Variants in DLG2 observed in about 807,000 individuals in gnomAD.
The protein encoded by DLG2 is discs large MAGUK scaffold protein 2.
A neutral mutation model predicts 132.5 loss-of-function variants in DLG2; 45 were observed. That is an observed-to-expected ratio of 0.34 (90% confidence interval 0.27 to 0.44). The LOEUF (loss-of-function observed/expected upper bound fraction) is 0.44, where lower values mean the gene tolerates loss of function less well. Among genes scored for constraint, DLG2 ranks in the 20% least tolerant of loss-of-function variants. The pLI is 1.00. For missense variants in DLG2, 1,045 were observed against 1,196.9 expected (o/e 0.87, Z 1.87); for synonymous variants, 424 against 419.6 (o/e 1.01, Z -0.13).
At chr11:85,010,875 TAA>T (rs2059096701) in intron 6 of DLG2, among the ~76,000 whole-genome samples, 1 of 152,128 alleles carries the variant, frequency 6.6e-6, no homozygotes, top group African/African-American at 2.4e-5. Context: ...ATATTGAGAA[TAA>T]GAGACATTTT....
chr11:84,586,632 A>G (rs1485054314), intron 6 of DLG2, among the ~76,000 whole-genome samples: 1 of 151,970 alleles, frequency 6.6e-6, no homozygotes, highest in Non-Finnish European at 1.5e-5. Flanking sequence ...TATATTTGAA[A>G]CTATTTTTCT....
intron 2 of DLG2, among the ~76,000 whole-genome samples, chr11:85,612,819 T>C (rs1198966663): frequency 6.6e-6 from 1 of 152,154 alleles, no homozygotes; most frequent in Non-Finnish European, 1.5e-5. Flanking sequence ...TGTACTTCAT[T>C]ATCCTACTAC....
intron 18 of DLG2, among the ~76,000 whole-genome samples, chr11:83,737,879 A>G (rs2092116159): frequency 6.6e-6 from 1 of 151,968 alleles, no homozygotes; most frequent in Non-Finnish European, 1.5e-5. Context: ...TGTACTTGCA[A>G]TTTTCCTGTC....
chr11:84,621,666 C>A (rs1024842280), intron 6 of DLG2, among the ~76,000 whole-genome samples: 1 of 152,132 alleles, frequency 6.6e-6, no homozygotes, highest in Non-Finnish European at 1.5e-5. Context: ...GGGCTGCTGG[C>A]TGACTCACTA....
intron 3 of DLG2, among the ~76,000 whole-genome samples, chr11:85,395,463 C>G (rs879444606): frequency 3.3e-5 from 5 of 152,138 alleles, no homozygotes; most frequent in Admixed American, 6.5e-5. Context: ...TTGCCTCAAA[C>G]AGGAAGTGCA....
At chr11:85,564,448 C>T (rs1384177123) in intron 3 of DLG2, among the ~76,000 whole-genome samples, 3 of 151,914 alleles carry the variant, frequency 2.0e-5, no homozygotes, top group Non-Finnish European at 4.4e-5. Context: ...CCAAAGTTCA[C>T]TTTTTCCACA....
At chr11:83,967,455 C>G (rs2090458524) in intron 12 of DLG2, among the ~76,000 whole-genome samples, 3 of 152,038 alleles carry the variant, frequency 2.0e-5, no homozygotes, top group Admixed American at 1.3e-4. Context: ...TATCTCATGG[C>G]AGTTTAGATT....
At chr11:85,610,542 G>A (rs1356308816) in intron 2 of DLG2, among the ~76,000 whole-genome samples, 1 of 152,148 alleles carries the variant, frequency 6.6e-6, no homozygotes, top group Non-Finnish European at 1.5e-5. Flanking sequence ...CGGGTTTAGG[G>A]ATAGCCCTTA....
chr11:84,209,194 T>C (rs924545580), intron 8 of DLG2, among the ~76,000 whole-genome samples: 2 of 152,206 alleles, frequency 1.3e-5, no homozygotes, highest in African/African-American at 4.8e-5. Context: ...TCTGTGATAT[T>C]CTTTTTAAAC....
chr11:85,324,766 G>A (rs950529791), intron 3 of DLG2, among the ~76,000 whole-genome samples: 1 of 152,144 alleles, frequency 6.6e-6, no homozygotes, highest in African/African-American at 2.4e-5. Flanking sequence ...GGGGAGGGAG[G>A]AGCCAAGATG....
chr11:84,274,630 C>G (rs1282972203), intron 7 of DLG2, among the ~76,000 whole-genome samples: 1 of 152,194 alleles, frequency 6.6e-6, no homozygotes, highest in African/African-American at 2.4e-5. Flanking sequence ...AGGCTGACAC[C>G]AGGGAAGTTT....
At chr11:84,252,642 A>C (rs2097402405) in intron 7 of DLG2, among the ~76,000 whole-genome samples, 1 of 152,208 alleles carries the variant, frequency 6.6e-6, no homozygotes, top group South Asian at 2.1e-4. Flanking sequence ...AATCACTAGA[A>C]AATAAGAGAT....
At chr11:84,727,665 C>A (rs1789174) in intron 6 of DLG2, among the ~76,000 whole-genome samples, 30 of 152,158 alleles carry the variant, frequency 2.0e-4, no homozygotes, top group African/African-American at 7.2e-4. Flanking sequence ...GGAGATAGCA[C>A]TGAATCTATA....
intron 3 of DLG2, among the ~76,000 whole-genome samples, chr11:85,482,892 G>T (rs1033802612): frequency 6.6e-6 from 1 of 152,072 alleles, no homozygotes; most frequent in East Asian, 1.9e-4. Flanking sequence ...TCTGACCCAG[G>T]TTCCATGATA....
chr11:84,871,741 T>G (rs2085490873), intron 6 of DLG2, among the ~76,000 whole-genome samples: 1 of 152,160 alleles, frequency 6.6e-6, no homozygotes, highest in South Asian at 2.1e-4. Flanking sequence ...ATTTATTTAA[T>G]GAGACAGAGT....
At chr11:84,852,456 A>G (rs1346677660) in intron 6 of DLG2, among the ~76,000 whole-genome samples, 1 of 151,976 alleles carries the variant, frequency 6.6e-6, no homozygotes, top group Non-Finnish European at 1.5e-5. Flanking sequence ...GTTCAGAAGG[A>G]TTCTGAAGGA....
chr11:84,508,079 G>A (rs2099246715), intron 7 of DLG2, among the ~76,000 whole-genome samples: 1 of 152,108 alleles, frequency 6.6e-6, no homozygotes, highest in Admixed American at 6.5e-5. Context: ...TTCCTCCCCT[G>A]ATCAAAGTTT....
intron 7 of DLG2, among the ~76,000 whole-genome samples, chr11:84,501,366 A>T (rs147026717): frequency 6.6e-6 from 1 of 152,174 alleles, no homozygotes; most frequent in Non-Finnish European, 1.5e-5. Context: ...GTAGTTCGAG[A>T]CCAGCCTGGC....
intron 4 of DLG2, among the ~76,000 whole-genome samples, chr11:85,235,458 T>C (rs751511155): frequency 4.6e-5 from 7 of 151,972 alleles, no homozygotes; most frequent in Non-Finnish European, 1.0e-4. Flanking sequence ...TCAATAATTA[T>C]AGTAAGAAAA....
Sources: allele counts gnomAD v4.1 joint callset (sites outside exome capture counted in the v4.1 genomes callset), GRCh38; gene constraint gnomAD v4.1.1; transcripts MANE v1.5; gene names NCBI Gene and HGNC (gene_info 2026-07-23, HGNC 2026-07-21).